CDH10: variants seen among roughly 807,000 people sequenced by gnomAD.
CDH10 encodes cadherin-10.
A neutral mutation model predicts 73.1 loss-of-function variants in CDH10; 30 were observed. That is an observed-to-expected ratio of 0.41 (90% confidence interval 0.31 to 0.56). CDH10 has a LOEUF of 0.56. Among genes scored for constraint, CDH10 ranks in the 20% least tolerant of loss-of-function variants. CDH10 has a pLI of 0.27. For missense variants in CDH10, 815 were observed against 973.7 expected (o/e 0.84, Z 2.17); for synonymous variants, 345 against 348.2 (o/e 0.99, Z 0.10).
At chr5:24,524,887 T>C (rs1679605719) in intron 5 of CDH10, among the ~76,000 whole-genome samples, 1 of 152,116 alleles carries the variant, frequency 6.6e-6, no homozygotes, top group South Asian at 2.1e-4. Context: ...TTATTAATGA[T>C]TTCAAACAAT....
chr5:24,609,531 A>G (rs916877249), intron 1 of CDH10, among the ~76,000 whole-genome samples: 4 of 152,216 alleles, frequency 2.6e-5, no homozygotes, highest in African/African-American at 9.6e-5. Flanking sequence ...GGAGATTATG[A>G]CAGGACACTA....
In CDH10 at chr5:24,635,475, G is replaced by A. The variant is rs570227639; in HGVS notation, c.-124+9119C>T. 1.2e-4 allele frequency among the ~76,000 whole-genome samples: 18 copies of A among 151,762 alleles called. No homozygotes were observed. In the East Asian group the frequency reaches 2.1e-3, roughly 18 times the overall value. The stretch of plus-strand genomic sequence containing the variant: ...GTCTTTCCTATCGTTTTCAAAATTC[G>A]TATCCATCAATTCCCTACTTCATGC... On this transcript the variant is annotated intron_variant, in intron 1 of 11. Transcript: ENST00000264463.
intron 1 of CDH10, among the ~76,000 whole-genome samples, chr5:24,605,253 GT>G (rs2112128797): frequency 6.6e-6 from 1 of 152,300 alleles, no homozygotes; most frequent in South Asian, 2.1e-4. Context: ...TATAGTATAG[GT>G]CTATGACCTG....
chr5:24,561,553 C>G (rs1421619072), intron 2 of CDH10, among the ~76,000 whole-genome samples: 1 of 152,080 alleles, frequency 6.6e-6, no homozygotes, highest in Non-Finnish European at 1.5e-5. Flanking sequence ...CTTTCCCTCC[C>G]TGTAGTAATT....
chr5:24,608,472 T>C (rs1009929482), intron 1 of CDH10, among the ~76,000 whole-genome samples: 3 of 152,032 alleles, frequency 2.0e-5, no homozygotes, highest in African/African-American at 7.2e-5. Context: ...TTTGTATTTT[T>C]AGTAGAGACG....
At chr5:24,632,735 C>T (rs1363301489) in intron 1 of CDH10, among the ~76,000 whole-genome samples, 3 of 151,868 alleles carry the variant, frequency 2.0e-5, no homozygotes, top group African/African-American at 7.2e-5. Context: ...ATAAATTTGT[C>T]TTTAGTTCCC....
chr5:24,589,544 T>G (rs1310968231), intron 2 of CDH10, among the ~76,000 whole-genome samples: 1 of 152,034 alleles, frequency 6.6e-6, no homozygotes, highest in Admixed American at 6.6e-5. Flanking sequence ...TTGATTAAAA[T>G]CTGTTTTTAA....
At chr5:24,574,663 G>C (rs1410794380) in intron 2 of CDH10, among the ~76,000 whole-genome samples, 1 of 83,806 alleles carries the variant, frequency 1.2e-5, no homozygotes, top group African/African-American at 2.8e-5. Flanking sequence ...TGTCACAAAG[G>C]AAGTAACACC....
intron 11 of CDH10, among the ~76,000 whole-genome samples, chr5:24,489,327 G>A (rs575129663): frequency 1.3e-5 from 2 of 152,120 alleles, no homozygotes; most frequent in South Asian, 4.1e-4. Flanking sequence ...GTGAGAGAAG[G>A]CAAACAATAA....
At chr5:24,557,302 A>C (rs910588688) in intron 2 of CDH10, among the ~76,000 whole-genome samples, 5 of 151,630 alleles carry the variant, frequency 3.3e-5, no homozygotes, top group African/African-American at 1.2e-4. Context: ...CTTGTATTTT[A>C]CTTTTGTTGC....
At chr5:24,638,789 C>T (rs921609381) in intron 1 of CDH10, among the ~76,000 whole-genome samples, 1 of 151,716 alleles carries the variant, frequency 6.6e-6, no homozygotes, top group Non-Finnish European at 1.5e-5. Flanking sequence ...GTTGACTAAG[C>T]TAATAGATAA....
At chr5:24,578,380 G>C (rs550109037) in intron 2 of CDH10, 1 of 243,656 alleles carries the variant, frequency 4.1e-6, no homozygotes, top group East Asian at 1.1e-4. Context: ...TCTTCATCTA[G>C]CTGTAGATGA....
intron 1 of CDH10, among the ~76,000 whole-genome samples, chr5:24,631,419 G>T (rs1747701322): frequency 1.3e-5 from 2 of 151,910 alleles, no homozygotes; most frequent in Admixed American, 1.3e-4. Context: ...ATGGATAATT[G>T]TGGGGAAAAA....
intron 5 of CDH10, among the ~76,000 whole-genome samples, chr5:24,517,747 A>C (rs571607701): frequency 6.6e-6 from 1 of 152,256 alleles, no homozygotes; most frequent in African/African-American, 2.4e-5. Context: ...GAAAAGCTAA[A>C]AGTTTTTTTG....
intron 2 of CDH10, among the ~76,000 whole-genome samples, chr5:24,556,172 G>A (rs1169567457): frequency 6.6e-6 from 1 of 152,012 alleles, no homozygotes; most frequent in East Asian, 1.9e-4. Context: ...GTTTATGTCT[G>A]CTCTCGTAGT....
chr5:24,604,155 C>T (rs1398199724), intron 1 of CDH10, among the ~76,000 whole-genome samples: 1 of 152,062 alleles, frequency 6.6e-6, no homozygotes, highest in African/African-American at 2.4e-5. Flanking sequence ...TCAAGACCAG[C>T]CTGTGCAACA....
intron 2 of CDH10, among the ~76,000 whole-genome samples, chr5:24,568,156 T>C (rs1745230888): frequency 1.3e-5 from 2 of 151,760 alleles, no homozygotes; most frequent in African/African-American, 4.9e-5. Context: ...ACTTTAAGAG[T>C]CTTGTTATAA....
intron 2 of CDH10, among the ~76,000 whole-genome samples, chr5:24,561,664 AC>A (rs1424084337): frequency 6.6e-6 from 1 of 152,162 alleles, no homozygotes; most frequent in Non-Finnish European, 1.5e-5. Context: ...AAAACTACCC[AC>A]GTTAAGATTA....
At chr5:24,642,020 A>G (rs943189536) in intron 1 of CDH10, among the ~76,000 whole-genome samples, 1 of 152,146 alleles carries the variant, frequency 6.6e-6, no homozygotes, top group Non-Finnish European at 1.5e-5. Flanking sequence ...TGTAATTTGC[A>G]TAGTAGAAAT....
Sources: allele counts gnomAD v4.1 joint callset (sites outside exome capture counted in the v4.1 genomes callset), GRCh38; gene constraint gnomAD v4.1.1; transcripts MANE v1.5; gene names NCBI Gene and HGNC (gene_info 2026-07-23, HGNC 2026-07-21).